ANXA13: variants seen among roughly 807,000 people sequenced by gnomAD.
ANXA13 encodes the protein annexin XIII.
In ANXA13, 36 loss-of-function variants were observed where a neutral mutation model predicts 46.6. The observed-to-expected ratio is 0.77, with a 90% CI of 0.59 to 1.02. The LOEUF (loss-of-function observed/expected upper bound fraction) is 1.02, where lower values mean the gene tolerates loss of function less well. Ranked by LOEUF, ANXA13 falls within the 50% of genes least tolerant of loss-of-function variation. The pLI, the probability that ANXA13 is intolerant of heterozygous loss-of-function variation, is 0.00. For missense variants in ANXA13, 417 were observed against 396.5 expected (o/e 1.05, Z -0.44); for synonymous variants, 163 against 152.9 (o/e 1.07, Z -0.49).
At chr8:123,706,920 C>A (rs1354254947) in intron 2 of ANXA13, among the ~76,000 whole-genome samples, 1 of 152,174 alleles carries the variant, frequency 6.6e-6, no homozygotes, top group Non-Finnish European at 1.5e-5. Context: ...GGGCTGTTCC[C>A]CTCATCTGGA....
At chr8:123,689,872 T>G (rs1343062756) in intron 8 of ANXA13, among the ~76,000 whole-genome samples, 4 of 152,236 alleles carry the variant, frequency 2.6e-5, no homozygotes, top group Non-Finnish European at 5.9e-5. Context: ...GGACTTTGAG[T>G]ATGCACCAGT....
At chr8:123,683,788 T>C (rs1207634391) in intron 10 of ANXA13, among the ~76,000 whole-genome samples, 1 of 152,084 alleles carries the variant, frequency 6.6e-6, no homozygotes, top group Non-Finnish European at 1.5e-5. Context: ...GGTTTCACCA[T>C]GTTGGCCAGG....
At position 123,709,200 on chromosome 8, in the gene ANXA13, C is replaced by T. The variant is rs187917187; in HGVS notation, c.91+3478G>A. ...TCCAAAGGAGGCGATCCACATGCAACGAGGGCCAATGAGGTGCTGGGCTCT... is the reference window on the plus strand; with the variant it reads ...TCCAAAGGAGGCGATCCACATGCAATGAGGGCCAATGAGGTGCTGGGCTCT... On this transcript the variant is annotated intron_variant, in intron 2 of 10. Coordinates refer to ENST00000419625, the MANE Select transcript of ANXA13 (RefSeq NM_004306.4). 3.2e-3 allele frequency among the ~76,000 whole-genome samples: 494 copies of T among 152,280 alleles called. 11 individuals carry two copies. Among genetic ancestry groups the T allele is most frequent in the Admixed American group, 0.03 (453 of 15,296 alleles).
At chr8:123,714,179 C>T (rs1813716719) in intron 1 of ANXA13, among the ~76,000 whole-genome samples, 1 of 152,176 alleles carries the variant, frequency 6.6e-6, no homozygotes, top group Admixed American at 6.5e-5. Flanking sequence ...ATTTCCCCTT[C>T]CCCCATTGTG....
chr8:123,728,798 T>A (rs1429305546), intron 1 of ANXA13: 2 of 152,156 alleles, frequency 1.3e-5, no homozygotes, highest in Admixed American at 6.5e-5. Context: ...ATGCATTGGA[T>A]CCAAAAAAAT....
chr8:123,703,570 G>C (rs1813486542), intron 2 of ANXA13, among the ~76,000 whole-genome samples: 1 of 152,132 alleles, frequency 6.6e-6, no homozygotes, highest in African/African-American at 2.4e-5. Flanking sequence ...TTGGCCTCTG[G>C]GTGCTTACAA....
At chr8:123,727,015 G>A (rs933377528) in intron 1 of ANXA13, among the ~76,000 whole-genome samples, 1 of 152,140 alleles carries the variant, frequency 6.6e-6, no homozygotes, top group East Asian at 1.9e-4. Flanking sequence ...AGGACGGAAA[G>A]GCATAAGAAT....
chr8:123,697,686 G>A (rs1284512406), intron 4 of ANXA13, among the ~76,000 whole-genome samples: 1 of 152,204 alleles, frequency 6.6e-6, no homozygotes, highest in Non-Finnish European at 1.5e-5. Flanking sequence ...TTGCTGGGCT[G>A]CCCCATTCTG....
Position 123,698,421 on chromosome 8 carries a change from G to A in ANXA13, c.325C>T (p.Leu109Phe), listed in dbSNP as rs1269831434. The change falls in exon 4 of 11, where the codon CTC (leucine) becomes TTC (phenylalanine). Residue 109 changes from leucine (L) to phenylalanine (F), a missense_variant. Leu to Phe is a conservative substitution (Grantham distance 22). Transcript: ENST00000419625. ...GTCCTCGTGCACAGGACCTCAATGA[G>A]GACGGACTCATCTGTGCCCAGACCC... ...MKGLGTDESV[L>F]IEVLCTRTNK... The A allele has an allele frequency of 6.2e-7, 1 of 1,614,182 alleles. No homozygotes were observed. The highest frequency in any genetic ancestry group is 1.1e-5 in the South Asian group (1 of 91,082).
rs1813029073 is a variant in ANXA13 at position 123,681,181 on chromosome 8, T to C, written c.*59A>G. The C allele has an allele frequency of 2.0e-6, 3 of 1,525,660 alleles. No individual in the cohort carries two copies. The highest frequency in any genetic ancestry group is 8.8e-7 in the Non-Finnish European group (1 of 1,134,562). 94.5% of individuals were successfully genotyped at this position (1,525,660 alleles called of 1,614,324 possible). A position where few individuals can be genotyped will look rare whatever the true frequency, so the allele number is the denominator to read the frequency against. On this transcript the variant is annotated 3_prime_UTR_variant, in exon 11 of 11. Transcript: ENST00000419625. ...CGGGAGTCTCATTTGCAAGTTTGATTTGGAATGTGCTCTTGACAAAGGCGG... is the reference window on the plus strand; with the variant it reads ...CGGGAGTCTCATTTGCAAGTTTGATCTGGAATGTGCTCTTGACAAAGGCGG...
intron 10 of ANXA13, among the ~76,000 whole-genome samples, chr8:123,684,116 G>A (rs1813092862): frequency 2.0e-5 from 3 of 152,204 alleles, no homozygotes; most frequent in Non-Finnish European, 4.4e-5. Context: ...GAAGAAACAC[G>A]TGTCTAAAAA....
intron 8 of ANXA13, among the ~76,000 whole-genome samples, chr8:123,691,734 C>A (rs1813247109): frequency 6.6e-6 from 1 of 152,202 alleles, no homozygotes; most frequent in South Asian, 2.1e-4. Context: ...GATGGTCAGG[C>A]CCTAGCCCCG....
At chr8:123,696,356 C>T (rs1029901594) in intron 4 of ANXA13, among the ~76,000 whole-genome samples, 2 of 152,170 alleles carry the variant, frequency 1.3e-5, no homozygotes, top group African/African-American at 2.4e-5. Context: ...AGGCTTAGGT[C>T]GTTTCCAAGT....
chr8:123,692,720 A>T (rs1813263861), intron 8 of ANXA13, among the ~76,000 whole-genome samples: 1 of 152,142 alleles, frequency 6.6e-6, no homozygotes, highest in South Asian at 2.1e-4. Context: ...TTAACCTTAA[A>T]ATCACTCTGA....
intron 1 of ANXA13, among the ~76,000 whole-genome samples, chr8:123,730,588 A>G (rs1342528947): frequency 6.6e-6 from 1 of 152,208 alleles, no homozygotes; most frequent in East Asian, 1.9e-4. Context: ...CTTATTTGGA[A>G]AGAGAGTCTT....
intron 4 of ANXA13, 123 bp from the exon 5 acceptor site, chr8:123,695,844 A>G (rs1003343320): frequency 1.2e-6 from 1 of 831,224 alleles, no homozygotes; most frequent in Admixed American, 2.2e-5. Context: ...TCCTCTTAAG[A>G]TGGTCATCCC....
At chr8:123,701,625 C>A (rs1563610497) in intron 3 of ANXA13, among the ~76,000 whole-genome samples, 1 of 152,172 alleles carries the variant, frequency 6.6e-6, no homozygotes, top group Non-Finnish European at 1.5e-5. Flanking sequence ...AGCACAAAAG[C>A]ACAGCCATTT....
At chr8:123,687,652 A>C (rs1813164465) in intron 9 of ANXA13, among the ~76,000 whole-genome samples, 2 of 152,180 alleles carry the variant, frequency 1.3e-5, no homozygotes, top group South Asian at 4.1e-4. Context: ...CAAAGAAACC[A>C]AACAAAAGAG....
chr8:123,718,972 T>C (rs1323839178), intron 1 of ANXA13, among the ~76,000 whole-genome samples: 2 of 152,158 alleles, frequency 1.3e-5, no homozygotes, highest in African/African-American at 4.8e-5. Context: ...TCTGTCCCAG[T>C]CCAATTCAAG....
Sources: gnomAD v4.1 joint callset for allele counts (sites outside exome capture counted in the v4.1 genomes callset) on GRCh38, gnomAD v4.1.1 for gene constraint, MANE v1.5 for transcripts, NCBI Gene and HGNC (gene_info 2026-07-23, HGNC 2026-07-21) for gene names.